The following TMEM61 variants were observed in gnomAD, a reference collection of about 807,000 sequenced individuals.
TMEM61 encodes the protein transmembrane protein 61.
A neutral mutation model predicts 12.0 loss-of-function variants in TMEM61; 13 were observed. The ratio of observed to expected loss-of-function variants is 1.08; its 90% confidence interval spans 0.70 to 1.72. The LOEUF is 1.72. TMEM61 is among the 40% of genes most tolerant of loss of function. The pLI is 0.00. For synonymous variants in TMEM61, 109 were observed against 121.4 expected, an observed-to-expected ratio of 0.90 and a Z score of 0.67; for missense variants, 249 against 276.9, an observed-to-expected ratio of 0.90 and a Z score of 0.71.
intron 2 of TMEM61, among the ~76,000 whole-genome samples, chr1:54,990,288 T>C (rs749406904): frequency 2.0e-5 from 3 of 152,196 alleles, no homozygotes; most frequent in Non-Finnish European, 2.9e-5. Context: ...TGCCCTGTAC[T>C]GACATACAGG....
Position 54,980,740 on chromosome 1 carries a change from G to A in TMEM61, c.-326G>A. ...GCGCTCCCCTGGGCGCCCCACGGCAGCCTCAGAGCCCCGCGGGGAGCGCGC... is the reference window on the plus strand; with the variant it reads ...GCGCTCCCCTGGGCGCCCCACGGCAACCTCAGAGCCCCGCGGGGAGCGCGC... On this transcript the variant is annotated 5_prime_UTR_variant, in exon 1 of 3. Transcript: ENST00000371268. 3.5e-6 allele frequency: 1 copy of A among 288,248 alleles called. No individual in the cohort carries two copies. 17.9% of individuals were successfully genotyped at this position (288,248 alleles called of 1,614,324 possible). A position where few individuals can be genotyped will look rare whatever the true frequency, so the allele number is the denominator to read the frequency against.
In TMEM61 at chr1:54,992,254, AT is replaced by A; in HGVS notation, c.*154del. 1.1e-6 allele frequency: 1 copy of A among 918,314 alleles called. No homozygotes were observed. The highest frequency in any genetic ancestry group is 1.6e-6 in the Non-Finnish European group (1 of 619,112). 56.9% of individuals were successfully genotyped at this position (918,314 alleles called of 1,614,324 possible). On this transcript the variant is annotated 3_prime_UTR_variant, in exon 3 of 3. Transcript: ENST00000371268. ...TTGCTGTATAACAAACCACCCCAGA[AT>A]TTAGTGGCTTAAAATAAATCCCATT...
chr1:54,986,181 T>C lies in TMEM61; in HGVS notation c.100T>C (p.Cys34Arg), dbSNP rs1228801550. The change falls in exon 2 of 3, where the codon TGC (cysteine) becomes CGC (arginine). Residue 34 changes from cysteine to arginine, a missense_variant. Coordinates refer to ENST00000371268, the MANE Select transcript of TMEM61 (RefSeq NM_182532.3). ...AGTGGTTCTGGTGGCCGGGACGCTC[T>C]GCTTCGCTTGGTGGAGCGAAGGGGA... ...GTVVLVAGTL[C>R]FAWWSEGDAT... 6.2e-7 allele frequency: 1 copy of C among 1,613,694 alleles called. No individual in the cohort carries two copies. The highest frequency in any genetic ancestry group is 8.5e-7 in the Non-Finnish European group (1 of 1,179,806).
chr1:54,986,423 G>A lies in TMEM61; in HGVS notation c.342G>A (p.Glu114=). ...LSRDLYYLTV[E]SSEKESCRTP... ...GAGACCTGTACTACCTCACTGTGGAGTCCTCAGAGAAGGAGAGCTGCAGGT... is the reference window on the plus strand; with the variant it reads ...GAGACCTGTACTACCTCACTGTGGAATCCTCAGAGAAGGAGAGCTGCAGGT... The change falls in exon 2 of 3, where the codon GAG becomes GAA. Residue 114 remains glutamate, a synonymous_variant. Transcript: ENST00000371268. 1 of 1,578,206 alleles carries A rather than the reference G, an allele frequency of 6.3e-7. No individual in the cohort carries two copies. Among genetic ancestry groups the A allele is most frequent in the South Asian group, 1.2e-5 (1 of 86,356 alleles).
At chr1:54,986,540 C>T in intron 2 of TMEM61, 94 bp downstream of exon 2, 1 of 1,128,658 alleles carries the variant, frequency 8.9e-7, no homozygotes, top group Non-Finnish European at 1.3e-6. Context: ...CCAGCAAATT[C>T]TCATGGGGTT....
In TMEM61 at chr1:54,986,223, G is replaced by A. The variant is rs961680237; in HGVS notation, c.142G>A (p.Gly48Ser). The change falls in exon 2 of 3, where the codon GGC becomes AGC. Residue 48 changes from glycine to serine, a missense_variant. Gly to Ser is a moderately conservative substitution (Grantham distance 56, BLOSUM62 0). Coordinates refer to ENST00000371268, the MANE Select transcript of TMEM61 (RefSeq NM_182532.3). ...WSEGDATAQP[G>S]QLAPPTEYPV... ...CGAAGGGGATGCAACCGCCCAGCCT[G>A]GCCAGCTGGCCCCACCCACGGAGTA... The A allele has an allele frequency of 6.2e-7, 1 of 1,613,836 alleles. No homozygotes were observed. Among genetic ancestry groups the A allele is most frequent in the Non-Finnish European group, 8.5e-7 (1 of 1,180,006 alleles).
chr1:54,990,863 C>T (rs2249480), intron 2 of TMEM61, among the ~76,000 whole-genome samples: 92,331 of 151,992 alleles, frequency 0.61, 31,905 homozygotes, highest in Non-Finnish European at 0.79. Flanking sequence ...AACCAGGCCT[C>T]GATGAATGGA....
Position 54,991,980 on chromosome 1 carries a change from C to T in TMEM61, c.510C>T (p.Pro170=), listed in dbSNP as rs145882409. 89 of 1,614,160 alleles carry T rather than the reference C, an allele frequency of 5.5e-5. No homozygotes were observed. The highest frequency in any genetic ancestry group is 5.1e-4 in the African/African-American group (38 of 75,042). The change falls in exon 3 of 3, where the codon CCC becomes CCT. Residue 170 remains proline, a synonymous_variant. Coordinates refer to ENST00000371268, the MANE Select transcript of TMEM61 (RefSeq NM_182532.3). ...GGGATGCCCTGCTCAGCACCCAGCC[C>T]GCCTGGCCTCCACCCAGCTATGAGA... The part of the protein sequence containing the change: ...GSRDALLSTQ[P]AWPPPSYESI...
At chr1:54,981,752 G>GA (rs1407187598) in intron 1 of TMEM61, among the ~76,000 whole-genome samples, 6 of 152,176 alleles carry the variant, frequency 3.9e-5, no homozygotes, top group Admixed American at 6.5e-5. Flanking sequence ...CTCCTGACAG[G>GA]AGCAGGGCCT....
At chr1:54,981,121 G>A in intron 1 of TMEM61, 41 bp downstream of exon 1, 1 of 1,571,256 alleles carries the variant, frequency 6.4e-7, no homozygotes, top group Non-Finnish European at 8.6e-7. Flanking sequence ...CGGGCACTCA[G>A]CCCCTTCTGT....
chr1:54,992,264 T>C lies in TMEM61; in HGVS notation c.*161T>C, dbSNP rs1249631380. 4 of 851,706 alleles carry C rather than the reference T, an allele frequency of 4.7e-6. No individual in the cohort carries two copies. Among genetic ancestry groups the C allele is most frequent in the Admixed American group, 5.7e-5 (2 of 35,306 alleles). The allele number at this position is 851,706 out of a possible 1,614,324, so 52.8% of individuals were successfully genotyped here. A position where few individuals can be genotyped will look rare whatever the true frequency, so the allele number is the denominator to read the frequency against. Reference sequence around the variant, plus strand: ...ACAAACCACCCCAGAATTTAGTGGCTTAAAATAAATCCCATTTTATTATGT... The same window carrying C: ...ACAAACCACCCCAGAATTTAGTGGCCTAAAATAAATCCCATTTTATTATGT... On this transcript the variant is annotated 3_prime_UTR_variant, in exon 3 of 3. Coordinates refer to ENST00000371268, the MANE Select transcript of TMEM61 (RefSeq NM_182532.3).
In TMEM61 at chr1:54,986,171, C is replaced by G. The variant is rs577669886; in HGVS notation, c.90C>G (p.Ala30=). 31 of 1,613,220 alleles carry G rather than the reference C, an allele frequency of 1.9e-5. No individual in the cohort carries two copies. The Admixed American group carries it at 3.0e-4, about 16-fold the overall frequency. Residue 30 remains alanine (A), a synonymous_variant, in exon 2 of 3, where the codon GCC becomes GCG. Transcript: ENST00000371268. ...MTVSGTVVLV[A]GTLCFAWWSE... is the part of the protein sequence containing the mutation. Reference sequence around the variant, plus strand: ...TCAGCGGCACAGTGGTTCTGGTGGCCGGGACGCTCTGCTTCGCTTGGTGGA... The same window carrying G: ...TCAGCGGCACAGTGGTTCTGGTGGCGGGGACGCTCTGCTTCGCTTGGTGGA...
intron 1 of TMEM61, among the ~76,000 whole-genome samples, chr1:54,984,232 G>A (rs1463266906): frequency 6.6e-6 from 1 of 152,208 alleles, no homozygotes; most frequent in Non-Finnish European, 1.5e-5. Flanking sequence ...GGCTGGGCAA[G>A]CCCCACTTGG....
intron 1 of TMEM61, 130 bp downstream of exon 1, chr1:54,981,210 C>A: frequency 9.4e-7 from 1 of 1,065,058 alleles, no homozygotes. Context: ...GGGGCTCTGC[C>A]TGGGTTTTAT....
Position 54,986,288 on chromosome 1 carries a change from C to G in TMEM61, c.207C>G (p.Val69=), listed in dbSNP as rs1414845338. The G allele has an allele frequency of 6.2e-7, 1 of 1,614,042 alleles. No individual in the cohort carries two copies. The highest frequency in any genetic ancestry group is 1.1e-5 in the South Asian group (1 of 91,082). The part of the protein sequence containing the change: ...PEGPSPLLRS[V]SFVCCGAGGL... ...GCCCCAGCCCCCTGCTCAGGTCCGT[C>G]AGCTTCGTCTGCTGCGGTGCAGGTG... Residue 69 remains valine, a synonymous_variant, in exon 2 of 3, where the codon GTC becomes GTG. Coordinates refer to ENST00000371268, the MANE Select transcript of TMEM61 (RefSeq NM_182532.3).
chr1:54,992,083 A>G lies in TMEM61; in HGVS notation c.613A>G (p.Thr205Ala), dbSNP rs780962044. 6 of 1,612,822 alleles carry G rather than the reference A, an allele frequency of 3.7e-6. No homozygotes were observed. In the Admixed American group the frequency reaches 8.3e-5, roughly 22 times the overall value. Residue 205 changes from threonine to alanine, a missense_variant, in exon 3 of 3, where the codon ACT becomes GCT. By Grantham distance (58) the Thr-to-Ala change is moderately conservative. Transcript: ENST00000371268. ...ATRSCSGLVQ[T>A]ARGGS ...ACGCTCCTGCTCAGGCCTGGTTCAG[A>G]CTGCACGGGGAGGAAGTTAAAGGCT... is the stretch of plus-strand genomic sequence containing the variant.
chr1:54,989,200 G>A (rs375915728), intron 2 of TMEM61, among the ~76,000 whole-genome samples: 1 of 152,184 alleles, frequency 6.6e-6, no homozygotes, highest in Admixed American at 6.5e-5. Context: ...GAGGTGGCTT[G>A]GGGGAGAGGT....
chr1:54,985,206 G>A (rs1320720456), intron 1 of TMEM61, among the ~76,000 whole-genome samples: 1 of 144,550 alleles, frequency 6.9e-6, no homozygotes, highest in Non-Finnish European at 1.5e-5. Flanking sequence ...ATAAGGCCAC[G>A]GTGAACGTGT....
At chr1:54,985,388 C>T (rs1267464017) in intron 1 of TMEM61, among the ~76,000 whole-genome samples, 1 of 152,156 alleles carries the variant, frequency 6.6e-6, no homozygotes, top group Admixed American at 6.6e-5. Flanking sequence ...AGGCATGTGC[C>T]GCCATGCTCA....
Sources: allele counts gnomAD v4.1 joint callset (sites outside exome capture counted in the v4.1 genomes callset), GRCh38; gene constraint gnomAD v4.1.1; transcripts MANE v1.5; gene names NCBI Gene and HGNC (gene_info 2026-07-23, HGNC 2026-07-21).